MT1H: variants seen among roughly 807,000 people sequenced by gnomAD.
MT1H encodes metallothionein 1H, also known as metallothionein-1H.
Under a neutral mutation model 8.7 loss-of-function variants are expected in MT1H, and 8 were observed. That is an observed-to-expected ratio of 0.92 (90% confidence interval 0.54 to 1.66). The LOEUF (loss-of-function observed/expected upper bound fraction) is 1.66, where lower values mean the gene tolerates loss of function less well. Among genes scored for constraint, MT1H ranks in the 40% most tolerant of loss-of-function variants. The probability of loss-of-function intolerance (pLI) is 0.00; values close to 1 mark genes in which losing one functional copy is unlikely to be tolerated. For missense variants in MT1H, 84 were observed against 75.2 expected (o/e 1.12, Z -0.43); for synonymous variants, 32 against 28.9 (o/e 1.11, Z -0.34).
intron 2 of MT1H, 163 bp from the exon 3 acceptor site, chr16:56,670,735 G>A (rs761290836): frequency 4.9e-5 from 74 of 1,501,382 alleles, no homozygotes; most frequent in Non-Finnish European, 6.4e-6. Context: ...GTCTCTCATA[G>A]GAAGACTCAC....
At chr16:56,670,684 C>T (rs1477825131) in intron 2 of MT1H, 113 bp downstream of exon 2, 2 of 1,586,854 alleles carry the variant, frequency 1.3e-6, no homozygotes, top group Non-Finnish European at 1.7e-6. Flanking sequence ...CACTGCCTTT[C>T]CAGTCTTCTG....
At chr16:56,670,848 G>A (rs1324717178) in intron 2 of MT1H, 50 bp from the exon 3 acceptor site, 7 of 1,609,530 alleles carry the variant, frequency 4.3e-6, no homozygotes, top group Non-Finnish European at 5.1e-6. Flanking sequence ...GTTGGGAGAG[G>A]GAGCTCCCTG....
chr16:56,670,974 C>T lies in MT1H; in HGVS notation c.171C>T (p.Cys57=). Residue 57 remains cysteine, a synonymous_variant, in exon 3 of 3, where the codon TGC becomes TGT. Coordinates refer to ENST00000332374, the MANE Select transcript of MT1H (RefSeq NM_005951.2). ...GCICKGASEK[C]SCCA Reference sequence around the variant, plus strand: ...TCTGCAAAGGGGCGTCAGAGAAGTGCAGCTGCTGTGCCTGATGTCGGGACA... The same window carrying T: ...TCTGCAAAGGGGCGTCAGAGAAGTGTAGCTGCTGTGCCTGATGTCGGGACA... 1 of 1,614,224 alleles carries T rather than the reference C, an allele frequency of 6.2e-7. No homozygotes were observed. Among genetic ancestry groups the T allele is most frequent in the Non-Finnish European group, 8.5e-7 (1 of 1,180,046 alleles).
At position 56,671,042 on chromosome 16, in the gene MT1H, G is replaced by T; in HGVS notation, c.*53G>T. The stretch of plus-strand genomic sequence containing the variant: ...AAACAGAATGACACGTAAAATCCAG[G>T]ATTTTTTTTTTCTACAACTCCGACT... On this transcript the variant is annotated 3_prime_UTR_variant, in exon 3 of 3. Transcript: ENST00000332374. 1 of 1,575,916 alleles carries T rather than the reference G, an allele frequency of 6.3e-7. No individual in the cohort carries two copies.
In MT1H at chr16:56,670,882, C is replaced by T. The variant is rs759972091; in HGVS notation, c.95-16C>T. ...TGGTCAAGTCTGCTGTGACTTCTCT[C>T]TCCCTTTTTCCCCAGGCTGCTGCTC... On this transcript the variant is annotated splice_polypyrimidine_tract_variant and intron_variant, in intron 2 of 2. Coordinates refer to ENST00000332374, the MANE Select transcript of MT1H (RefSeq NM_005951.2). The T allele has an allele frequency of 1.2e-6, 2 of 1,613,774 alleles. No homozygotes were observed. The highest frequency in any genetic ancestry group is 1.1e-5 in the South Asian group (1 of 91,048).
At position 56,670,564 on chromosome 16, in the gene MT1H, C is replaced by T; in HGVS notation, c.87C>T (p.Cys29=). The T allele has an allele frequency of 6.2e-7, 1 of 1,614,238 alleles. No homozygotes were observed. Among genetic ancestry groups the T allele is most frequent in the Non-Finnish European group, 8.5e-7 (1 of 1,180,046 alleles). ...CKCKKCKCTS[C]KKSCCSCCPL... ...GCAAAAAGTGCAAATGCACCTCCTG[C>T]AAGAAGAGTGAGTGCGGGGCCATCT... Residue 29 remains cysteine, a synonymous_variant, in exon 2 of 3, where the codon TGC becomes TGT. Coordinates refer to ENST00000332374, the MANE Select transcript of MT1H (RefSeq NM_005951.2).
rs1331275902 is a variant in MT1H at position 56,670,756 on chromosome 16, A to T, written c.95-142A>T. 6 of 1,492,954 alleles carry T rather than the reference A, an allele frequency of 4.0e-6. No homozygotes were observed. The Admixed American group carries it at 7.3e-5, about 18-fold the overall frequency. The allele number at this position is 1,492,954 out of a possible 1,614,324, so 92.5% of individuals were successfully genotyped here. ...CATAGGAAGACTCACCCCAATATCC[A>T]CCAGTCGTCTCCTGAAAAAGCTGTG... On this transcript the variant is annotated intron_variant, in intron 2 of 2. Coordinates refer to ENST00000332374, the MANE Select transcript of MT1H (RefSeq NM_005951.2).
At chr16:56,670,731 C>CCT (rs1960860542) in intron 2 of MT1H, 160 bp downstream of exon 2, 1 of 1,500,850 alleles carries the variant, frequency 6.7e-7, no homozygotes, top group African/African-American at 1.4e-5. Flanking sequence ...GGCAGTCTCT[C>CCT]ATAGGAAGAC....
At chr16:56,669,986 G>A in intron 1 of MT1H, 74 bp downstream of exon 1, 1 of 1,598,696 alleles carries the variant, frequency 6.3e-7, no homozygotes, top group South Asian at 1.1e-5. Flanking sequence ...CTGGGTTTGA[G>A]GAGGTCATAT....
rs201520507 is a variant in MT1H, at chr16:56,669,860, A to G, written c.-25A>G. 3 of 1,613,924 alleles carry G rather than the reference A, an allele frequency of 1.9e-6. No homozygotes were observed. Among genetic ancestry groups the G allele is most frequent in the Middle Eastern group, 1.7e-4 (1 of 6,052 alleles). ...ACTGCCTCTTCTCTTCTCGCTTGGG[A>G]ACTCCAGTCTCACCTCGGCTTGCAA... is the stretch of plus-strand genomic sequence containing the variant. On this transcript the variant is annotated 5_prime_UTR_variant, in exon 1 of 3. Coordinates refer to ENST00000332374, the MANE Select transcript of MT1H (RefSeq NM_005951.2).
rs144085976 is a variant in MT1H at position 56,670,525 on chromosome 16, C to T, written c.48C>T (p.Ala16=). 2.2e-5 allele frequency: 35 copies of T among 1,614,136 alleles called. No individual in the cohort carries two copies. Among genetic ancestry groups the T allele is most frequent in the South Asian group, 7.7e-5 (7 of 91,090 alleles). The change falls in exon 2 of 3, where the codon GCC becomes GCT. Residue 16 remains alanine (A), a synonymous_variant. Transcript: ENST00000332374. ...TTGCAGGTGGCTCCTGCGCCTGCGCCGGCTCCTGCAAGTGCAAAAAGTGCA... is the reference window on the plus strand; with the variant it reads ...TTGCAGGTGGCTCCTGCGCCTGCGCTGGCTCCTGCAAGTGCAAAAAGTGCA... ...SCEAGGSCAC[A]GSCKCKKCKC...
rs755321191 is a variant in MT1H at position 56,670,508 on chromosome 16, GGCTCCT to G, written c.34_39del (p.Ser12_Cys13del). 34 of 1,614,110 alleles carry G rather than the reference GGCTCCT, an allele frequency of 2.1e-5. No homozygotes were observed. Among genetic ancestry groups the G allele is most frequent in the Non-Finnish European group, 2.5e-5 (30 of 1,180,046 alleles). On this transcript the variant is annotated inframe_deletion, in exon 2 of 3. Coordinates refer to ENST00000332374, the MANE Select transcript of MT1H (RefSeq NM_005951.2). ...CTGGCTTTTTCTATTCCTTGCAGGT[GGCTCCT>G]GCGCCTGCGCCGGCTCCTGCAAGTG...
At chr16:56,670,446 C>T in intron 1 of MT1H, 60 bp from the exon 2 acceptor site, 2 of 1,611,090 alleles carry the variant, frequency 1.2e-6, no homozygotes, top group South Asian at 1.1e-5. Flanking sequence ...CACTCATTGA[C>T]CCACTGCTGT....
At position 56,670,943 on chromosome 16, in the gene MT1H, G is replaced by C; in HGVS notation, c.140G>C (p.Gly47Ala). 1 of 1,614,210 alleles carries C rather than the reference G, an allele frequency of 6.2e-7. No homozygotes were observed. The highest frequency in any genetic ancestry group is 8.5e-7 in the Non-Finnish European group (1 of 1,180,030). Residue 47 changes from glycine to alanine, a missense_variant, in exon 3 of 3, where the codon GGC (glycine) becomes GCC (alanine). Coordinates refer to ENST00000332374, the MANE Select transcript of MT1H (RefSeq NM_005951.2). ...CPLGCAKCAQGCICKGASEKC... is the reference protein window; with the variant it reads ...CPLGCAKCAQACICKGASEKC... ...CTGGGCTGTGCCAAGTGTGCCCAGG[G>C]CTGCATCTGCAAAGGGGCGTCAGAG... is the stretch of plus-strand genomic sequence containing the variant.
intron 2 of MT1H, 49 bp from the exon 3 acceptor site, chr16:56,670,849 G>C (rs1450837194): frequency 6.2e-7 from 1 of 1,610,102 alleles, no homozygotes; most frequent in East Asian, 2.2e-5. Context: ...TTGGGAGAGG[G>C]AGCTCCCTGG....
In MT1H at chr16:56,670,510, C is replaced by T; in HGVS notation, c.33C>T (p.Gly11=). 4.3e-6 allele frequency: 7 copies of T among 1,614,178 alleles called. No individual in the cohort carries two copies. Among genetic ancestry groups the T allele is most frequent in the South Asian group, 1.1e-5 (1 of 91,086 alleles). MDPNCSCEAG[G]SCACAGSCKC... Reference sequence around the variant, plus strand: ...GGCTTTTTCTATTCCTTGCAGGTGGCTCCTGCGCCTGCGCCGGCTCCTGCA... The same window carrying T: ...GGCTTTTTCTATTCCTTGCAGGTGGTTCCTGCGCCTGCGCCGGCTCCTGCA... The change falls in exon 2 of 3, where the codon GGC becomes GGT. Residue 11 remains glycine (G), a synonymous_variant. Transcript: ENST00000332374.
rs112710021 is a variant in MT1H, at chr16:56,669,895, A to G, written c.11A>G (p.Asn4Ser). The change falls in exon 1 of 3, where the codon AAC (asparagine) becomes AGC (serine). Residue 4 changes from asparagine to serine, a missense_variant. Asn to Ser is a conservative substitution (Grantham distance 46). Coordinates refer to ENST00000332374, the MANE Select transcript of MT1H (RefSeq NM_005951.2). ...TCACCTCGGCTTGCAATGGACCCCA[A>G]CTGCTCCTGCGAGGCTGGTAAGGAA... Reference protein sequence around the residue: MDPNCSCEAGGSCA... With the variant: MDPSCSCEAGGSCA... The G allele has an allele frequency of 7.2e-4, 1,158 of 1,614,062 alleles. 6 individuals are homozygous for G. The African/African-American group carries it at 0.014, about 19-fold the overall frequency.
chr16:56,671,028 C>A lies in MT1H; in HGVS notation c.*39C>A, dbSNP rs1405191232. On this transcript the variant is annotated 3_prime_UTR_variant, in exon 3 of 3. Transcript: ENST00000332374. ...CTGCTGTCAGATGAAAACAGAATGA[C>A]ACGTAAAATCCAGGATTTTTTTTTT... is the stretch of plus-strand genomic sequence containing the variant. 6.3e-6 allele frequency: 10 copies of A among 1,591,260 alleles called. No homozygotes were observed. The highest frequency in any genetic ancestry group is 1.9e-5 in the Admixed American group (1 of 52,786).
rs1597081538 is a variant in MT1H at position 56,670,609 on chromosome 16, G to A, written c.94+38G>A. On this transcript the variant is annotated intron_variant, in intron 2 of 2. Coordinates refer to ENST00000332374, the MANE Select transcript of MT1H (RefSeq NM_005951.2). ...CCATCTCCAGGAATCTGGGGCTGTG[G>A]CTAAGGTTGGGAGGGAACCCAAGGC... 6 of 1,614,116 alleles carry A rather than the reference G, an allele frequency of 3.7e-6. No homozygotes were observed. In the Admixed American group the frequency reaches 5.0e-5, roughly 13 times the overall value.
Sources: allele counts gnomAD v4.1 joint callset, GRCh38; gene constraint gnomAD v4.1.1; transcripts MANE v1.5; gene names NCBI Gene and HGNC (gene_info 2026-07-23, HGNC 2026-07-21).